The following PHKB variants were observed in gnomAD, a reference collection of about 807,000 sequenced individuals.
PHKB encodes the protein phosphorylase kinase regulatory subunit beta.
Under a neutral mutation model 152.1 loss-of-function variants are expected in PHKB, and 122 were observed. That is an observed-to-expected ratio of 0.80 (90% CI 0.69 to 0.93). The LOEUF (loss-of-function observed/expected upper bound fraction) is 0.93, where lower values mean the gene tolerates loss of function less well. Ranked by LOEUF, PHKB falls within the 40% of genes least tolerant of loss-of-function variation. PHKB has a pLI of 0.00. For synonymous variants in PHKB, 436 were observed against 464.9 expected (o/e 0.94, Z 0.80); for missense variants, 1,304 against 1,328.4 (o/e 0.98, Z 0.29).
chr16:47,580,639 T>G (rs1971828088), intron 8 of PHKB, among the ~76,000 whole-genome samples: 1 of 151,892 alleles, frequency 6.6e-6, no homozygotes, highest in South Asian at 2.1e-4. Context: ...TCAAATCTAT[T>G]ACTCATTTTG....
chr16:47,643,103 A>C (rs1973054550), intron 16 of PHKB, among the ~76,000 whole-genome samples: 1 of 152,214 alleles, frequency 6.6e-6, no homozygotes, highest in Non-Finnish European at 1.5e-5. Flanking sequence ...AGTCTAATTA[A>C]TATTAGCAAC....
intron 13 of PHKB, among the ~76,000 whole-genome samples, chr16:47,609,440 TGGG>T (rs370191575): frequency 3.8e-5 from 2 of 53,324 alleles, no homozygotes; most frequent in Admixed American, 2.5e-4. Flanking sequence ...TTTTTGTGGG[TGGG>T]GGGGGGGCAC....
intron 7 of PHKB, among the ~76,000 whole-genome samples, chr16:47,552,077 C>T (rs1971281644): frequency 6.6e-6 from 1 of 152,122 alleles, no homozygotes; most frequent in Non-Finnish European, 1.5e-5. Flanking sequence ...GGTAAATACT[C>T]CTCCATCCGT....
At chr16:47,648,687 G>T (rs1973179415) in intron 17 of PHKB, 71 bp downstream of exon 17, 1 of 918,450 alleles carries the variant, frequency 1.1e-6, no homozygotes, top group Admixed American at 1.7e-5. Flanking sequence ...TGCTTGACCT[G>T]CTATGCATCC....
At chr16:47,636,153 C>T (rs1188045582) in intron 14 of PHKB, among the ~76,000 whole-genome samples, 1 of 152,136 alleles carries the variant, frequency 6.6e-6, no homozygotes, top group Non-Finnish European at 1.5e-5. Context: ...GTTGAGTTTT[C>T]AATCTATTAA....
chr16:47,600,220 C>T (rs996418354), intron 13 of PHKB, among the ~76,000 whole-genome samples: 1 of 152,104 alleles, frequency 6.6e-6, no homozygotes, highest in African/African-American at 2.4e-5. Context: ...ACACAGTATG[C>T]TATTTCCTGA....
At chr16:47,616,049 G>A (rs182120832) in intron 14 of PHKB, among the ~76,000 whole-genome samples, 7 of 151,888 alleles carry the variant, frequency 4.6e-5, no homozygotes, top group African/African-American at 1.7e-4. Flanking sequence ...TTTTATTATT[G>A]TATTGTAACA....
chr16:47,548,665 T>C (rs1175179125), intron 7 of PHKB, among the ~76,000 whole-genome samples: 1 of 151,332 alleles, frequency 6.6e-6, no homozygotes, highest in African/African-American at 2.4e-5. Flanking sequence ...CCCAAAGTGT[T>C]CTCTATTTTA....
intron 6 of PHKB, among the ~76,000 whole-genome samples, chr16:47,545,772 G>C (rs1339941414): frequency 6.6e-6 from 1 of 152,102 alleles, no homozygotes. Flanking sequence ...CATATTTCTT[G>C]GAGGCCTTGT....
At chr16:47,532,047 T>A (rs1970870335) in intron 6 of PHKB, among the ~76,000 whole-genome samples, 1 of 152,296 alleles carries the variant, frequency 6.6e-6, no homozygotes, top group East Asian at 1.9e-4. Context: ...AATAAAGAAC[T>A]ATTACTTATC....
chr16:47,657,498 G>A (rs753343391), intron 20 of PHKB, among the ~76,000 whole-genome samples: 8 of 152,228 alleles, frequency 5.3e-5, no homozygotes, highest in South Asian at 2.1e-4. Flanking sequence ...ATTATATTGC[G>A]TTTGACACAT....
intron 7 of PHKB, among the ~76,000 whole-genome samples, chr16:47,570,359 T>C (rs1396242327): frequency 6.6e-6 from 1 of 152,244 alleles, no homozygotes; most frequent in African/African-American, 2.4e-5. Context: ...TTGTCAGTTA[T>C]TCCTTGAAGT....
intron 27 of PHKB, 68 bp downstream of exon 27, chr16:47,689,243 A>G: frequency 2.7e-6 from 4 of 1,493,252 alleles, no homozygotes; most frequent in Non-Finnish European, 3.7e-6. Context: ...TTTTAGCTTG[A>G]TATATCTATG....
chr16:47,665,128 T>A (rs1255162441), intron 25 of PHKB, 153 bp downstream of exon 25: 37 of 648,900 alleles, frequency 5.7e-5, no homozygotes, highest in South Asian at 4.0e-4. Context: ...TATTAGTTAT[T>A]GACTTAATTT....
chr16:47,572,544 C>T (rs755664349), intron 7 of PHKB, among the ~76,000 whole-genome samples: 7 of 152,106 alleles, frequency 4.6e-5, no homozygotes, highest in South Asian at 2.1e-4. Flanking sequence ...GACAGGTCTG[C>T]GGAATGTGTA....
chr16:47,684,453 TC>T (rs1459634857), intron 26 of PHKB, among the ~76,000 whole-genome samples: 1 of 152,160 alleles, frequency 6.6e-6, no homozygotes, highest in Non-Finnish European at 1.5e-5. Context: ...ACACACTGTA[TC>T]CTTACTAGCC....
At chr16:47,687,289 G>T (rs1973981627) in intron 26 of PHKB, among the ~76,000 whole-genome samples, 1 of 152,166 alleles carries the variant, frequency 6.6e-6, no homozygotes, top group Non-Finnish European at 1.5e-5. Context: ...GTAGTTTATT[G>T]TAACTAAAAT....
Position 47,579,073 on chromosome 16 carries a change from A to T in PHKB, c.711-1222A>T, listed in dbSNP as rs9928782. On this transcript the variant is annotated intron_variant, in intron 7 of 30. Coordinates refer to ENST00000323584, the MANE Select transcript of PHKB (RefSeq NM_000293.3). Reference sequence around the variant, plus strand: ...TCATAGAGTCCTGAAGTTCATAGCTAGACTGCCTTCTACCCATGTTTCTAA... The same window carrying T: ...TCATAGAGTCCTGAAGTTCATAGCTTGACTGCCTTCTACCCATGTTTCTAA... 4.2e-3 allele frequency among the ~76,000 whole-genome samples: 633 copies of T among 152,122 alleles called. 6 individuals are homozygous for T. Among genetic ancestry groups the T allele is most frequent in the African/African-American group, 0.015 (603 of 41,504 alleles).
At chr16:47,643,595 CCT>C (rs1973064160) in intron 16 of PHKB, among the ~76,000 whole-genome samples, 1 of 152,180 alleles carries the variant, frequency 6.6e-6, no homozygotes, top group East Asian at 1.9e-4. Flanking sequence ...GTAGCTGTAG[CCT>C]CTGTGTTCCT....
Sources: gnomAD v4.1 joint callset for allele counts (sites outside exome capture counted in the v4.1 genomes callset) on GRCh38, gnomAD v4.1.1 for gene constraint, MANE v1.5 for transcripts, NCBI Gene and HGNC (gene_info 2026-07-23, HGNC 2026-07-21) for gene names.